Variants in POU3F3 observed in about 807,000 individuals in gnomAD.
POU3F3 encodes the protein POU class 3 homeobox 3.
Under a neutral mutation model 8.6 loss-of-function variants are expected in POU3F3, and 1 was observed. The ratio of observed to expected loss-of-function variants is 0.12; its 90% confidence interval spans 0.04 to 0.55. The LOEUF (loss-of-function observed/expected upper bound fraction) is 0.55. Among genes scored for constraint, POU3F3 ranks in the 20% least tolerant of loss-of-function variants. The pLI, the probability that POU3F3 is intolerant of heterozygous loss-of-function variation, is 0.91. For missense variants in POU3F3, 577 were observed against 690.7 expected (o/e 0.84, Z 1.84); for synonymous variants, 418 against 327.4 (o/e 1.28, Z -2.99).
chr2:104,898,720 C>T, the POU3F3 span, among the ~76,000 whole-genome samples: 1 of 152,062 alleles, frequency 6.6e-6, no homozygotes. Context: ...GAATATTTTC[C>T]TTAGATGCTG....
At chr2:104,879,843 G>A in the POU3F3 span, among the ~76,000 whole-genome samples, 1 of 152,196 alleles carries the variant, frequency 6.6e-6, no homozygotes, top group East Asian at 1.9e-4. Flanking sequence ...TCTTCCTGCA[G>A]CATCTCTTCA....
chr2:104,884,003 A>G, the POU3F3 span, among the ~76,000 whole-genome samples: 1 of 152,204 alleles, frequency 6.6e-6, no homozygotes, highest in African/African-American at 2.4e-5. Flanking sequence ...GTGAGTTCCC[A>G]GTGGTCCCTT....
chr2:104,915,610 C>G, the POU3F3 span, among the ~76,000 whole-genome samples: 2 of 152,102 alleles, frequency 1.3e-5, no homozygotes, highest in Non-Finnish European at 2.9e-5. Context: ...CAGGCCTCCT[C>G]TAGTGGAGAC....
At chr2:104,889,434 C>T in the POU3F3 span, among the ~76,000 whole-genome samples, 2 of 152,322 alleles carry the variant, frequency 1.3e-5, no homozygotes, top group Admixed American at 1.3e-4. Context: ...GTTCCCCATG[C>T]TCCACCCTGG....
At position 104,855,391 on chromosome 2, in the gene POU3F3, GA is replaced by G. The variant is rs1178044261; in HGVS notation, c.-119del. The G allele has an allele frequency of 1.4e-5, 5 of 361,798 alleles. No individual in the cohort carries two copies. Among genetic ancestry groups the G allele is most frequent in the African/African-American group, 2.4e-5 (1 of 40,890 alleles). 22.4% of individuals were successfully genotyped at this position (361,798 alleles called of 1,614,324 possible). On this transcript the variant is annotated 5_prime_UTR_variant, in exon 1 of 1. Coordinates refer to ENST00000361360, the MANE Select transcript of POU3F3 (RefSeq NM_006236.3). ...GGGGCCCGGGGCGGGGGCGGGGAAG[GA>G]GGGGGGGAGGAGGCGGGAGGCGGGG...
At chr2:104,870,910 C>A in the POU3F3 span, among the ~76,000 whole-genome samples, 21 of 152,318 alleles carry the variant, frequency 1.4e-4, no homozygotes, top group East Asian at 3.9e-3. Context: ...TTCTCAGTAA[C>A]CTTTTCTTTT....
At chr2:104,863,274 TG>T (rs1455606441), downstream of POU3F3, among the ~76,000 whole-genome samples, 13 of 150,848 alleles carry the variant, frequency 8.6e-5, no homozygotes, top group Non-Finnish European at 1.6e-4. Flanking sequence ...TGAGCAAACC[TG>T]GGGGCTGGAG....
At chr2:104,898,319 T>C in the POU3F3 span, among the ~76,000 whole-genome samples, 1 of 152,220 alleles carries the variant, frequency 6.6e-6, no homozygotes, top group African/African-American at 2.4e-5. Flanking sequence ...CAGTGTATAA[T>C]GCTTTGTCAT....
downstream of POU3F3, among the ~76,000 whole-genome samples, chr2:104,859,764 C>A (rs756300081): frequency 9.2e-5 from 14 of 152,186 alleles, no homozygotes; most frequent in Non-Finnish European, 1.5e-4. Flanking sequence ...AAAAAGGCCA[C>A]ATATATTAAA....
the POU3F3 span, among the ~76,000 whole-genome samples, chr2:104,898,793 A>T: frequency 3.3e-5 from 5 of 152,336 alleles, no homozygotes; most frequent in South Asian, 1.0e-3. Context: ...TAAAATGTTC[A>T]CTAAAAGGTA....
chr2:104,855,518 C>A lies in POU3F3; in HGVS notation c.8C>A (p.Thr3Lys). The change falls in exon 1 of 1, where the codon ACG becomes AAG. Residue 3 changes from threonine to lysine, a missense_variant. Coordinates refer to ENST00000361360, the MANE Select transcript of POU3F3 (RefSeq NM_006236.3). ...TGGCGGGAGCGGAGCGGCATGGCCA[C>A]GGCGGCTTCTAACCCCTACCTGCCG... MA[T>K]AASNPYLPGN... 2 of 1,021,216 alleles carry A rather than the reference C, an allele frequency of 2.0e-6. No individual in the cohort carries two copies. The allele number at this position is 1,021,216 out of a possible 1,614,324, so 63.3% of individuals were successfully genotyped here. A position where few individuals can be genotyped will look rare whatever the true frequency, so the allele number is the denominator to read the frequency against.
the POU3F3 span, among the ~76,000 whole-genome samples, chr2:104,887,221 T>C: frequency 6.6e-6 from 1 of 152,190 alleles, no homozygotes; most frequent in Non-Finnish European, 1.5e-5. Context: ...TTTACTGCAA[T>C]TTGTTTTATC....
At chr2:104,913,880 G>GA in the POU3F3 span, among the ~76,000 whole-genome samples, 3,820 of 148,484 alleles carry the variant, frequency 0.026, 131 homozygotes, top group African/African-American at 0.082. Flanking sequence ...TCATTAAAAC[G>GA]AAAAAAAAAA....
the POU3F3 span, among the ~76,000 whole-genome samples, chr2:104,868,976 C>T: frequency 2.0e-5 from 3 of 152,178 alleles, no homozygotes; most frequent in Non-Finnish European, 4.4e-5. Flanking sequence ...AACAACATTA[C>T]ATAAACCCTC....
the POU3F3 span, among the ~76,000 whole-genome samples, chr2:104,889,224 C>T: frequency 6.6e-6 from 1 of 152,202 alleles, no homozygotes; most frequent in Admixed American, 6.5e-5. Context: ...GTCCTTGACA[C>T]ATGGCCATGA....
Position 104,856,824 on chromosome 2 carries a change from C to G in POU3F3, c.1314C>G (p.Asn438Lys). 2 of 1,614,150 alleles carry G rather than the reference C, an allele frequency of 1.2e-6. No individual in the cohort carries two copies. Among genetic ancestry groups the G allele is most frequent in the Non-Finnish European group, 1.7e-6 (2 of 1,180,010 alleles). ...CPKPSAQEIT[N>K]LADSLQLEKE... Reference sequence around the variant, plus strand: ...AGCCCTCCGCGCAGGAGATCACCAACCTGGCCGACAGCCTGCAGCTCGAGA... The same window carrying G: ...AGCCCTCCGCGCAGGAGATCACCAAGCTGGCCGACAGCCTGCAGCTCGAGA... Residue 438 changes from asparagine to lysine, a missense_variant, in exon 1 of 1, where the codon AAC becomes AAG. Around this residue, in one of 7 missense-constraint regions of POU3F3, gnomAD observed 21 missense variants for 41.9 expected, o/e 0.50. Transcript: ENST00000361360.
chr2:104,926,037 G>T, the POU3F3 span: 1 of 152,166 alleles, frequency 6.6e-6, no homozygotes, highest in South Asian at 2.1e-4. Flanking sequence ...CCTCACCATA[G>T]GCATGGGCAA....
At chr2:104,916,316 G>C in the POU3F3 span, among the ~76,000 whole-genome samples, 1 of 152,196 alleles carries the variant, frequency 6.6e-6, no homozygotes, top group East Asian at 1.9e-4. Context: ...CTTAGATGTA[G>C]TGATGAACAA....
At chr2:104,900,317 C>T in the POU3F3 span, among the ~76,000 whole-genome samples, 1 of 152,196 alleles carries the variant, frequency 6.6e-6, no homozygotes, top group Non-Finnish European at 1.5e-5. Context: ...CGTCCTTCCA[C>T]TGCACAGCTA....
Sources: allele counts gnomAD v4.1 joint callset (sites outside exome capture counted in the v4.1 genomes callset), GRCh38; gene constraint gnomAD v4.1.1; regional missense constraint gnomAD v4.1.1; transcripts MANE v1.5; gene names NCBI Gene and HGNC (gene_info 2026-07-23, HGNC 2026-07-21).